ZNF285: variants seen among roughly 807,000 people sequenced by gnomAD.
ZNF285 encodes zinc finger protein 285A.
A neutral mutation model predicts 6.2 loss-of-function variants in ZNF285; 4 were observed. That is an observed-to-expected ratio of 0.65 (90% CI 0.32 to 1.49). The LOEUF (loss-of-function observed/expected upper bound fraction) is 1.49, where lower values mean the gene tolerates loss of function less well. Ranked by LOEUF, ZNF285 falls within the 40% of genes most tolerant of loss-of-function variation. The pLI is 0.07. For synonymous variants in ZNF285, 240 were observed against 245.8 expected (o/e 0.98, Z 0.22); for missense variants, 695 against 708.8 (o/e 0.98, Z 0.22).
intron 3 of ZNF285, among the ~76,000 whole-genome samples, chr19:44,389,272 G>A (rs1971152458): frequency 6.6e-6 from 1 of 152,080 alleles, no homozygotes; most frequent in Admixed American, 6.5e-5. Context: ...TCATATTCTT[G>A]GGATCCTAAG....
intron 2 of ZNF285, 152 bp downstream of exon 2, chr19:44,397,047 C>G: frequency 8.6e-7 from 1 of 1,157,552 alleles, no homozygotes; most frequent in Non-Finnish European, 1.2e-6. Flanking sequence ...TAAAGGGAGT[C>G]AAACCACCTG....
chr19:44,396,173 A>G (rs1971277381), intron 2 of ZNF285, among the ~76,000 whole-genome samples: 1 of 152,114 alleles, frequency 6.6e-6, no homozygotes, highest in South Asian at 2.1e-4. Context: ...AACCAATACC[A>G]TGTGAAATAC....
intron 2 of ZNF285, among the ~76,000 whole-genome samples, chr19:44,396,317 T>C (rs912924514): frequency 3.3e-5 from 5 of 152,112 alleles, no homozygotes; most frequent in Non-Finnish European, 5.9e-5. Flanking sequence ...ATTTGCTCTT[T>C]TTGTGTATTT....
Position 44,386,583 on chromosome 19 carries a change from G to A in ZNF285, c.1662C>T (p.Tyr554=), listed in dbSNP as rs748878603. Reference sequence around the variant, plus strand: ...TATGCACTCTCTGATGGGCAAGGAGGTATGAATTACGACTGAAGCCCTTAC... The same window carrying A: ...TATGCACTCTCTGATGGGCAAGGAGATATGAATTACGACTGAAGCCCTTAC... ...ACGKGFSRNS[Y]LLAHQRVHID... Residue 554 remains tyrosine, a synonymous_variant, in exon 4 of 4, where the codon TAC becomes TAT. Transcript: ENST00000614994. 1 of 1,614,176 alleles carries A rather than the reference G, an allele frequency of 6.2e-7. No homozygotes were observed. The highest frequency in any genetic ancestry group is 8.5e-7 in the Non-Finnish European group (1 of 1,180,006).
intron 2 of ZNF285, among the ~76,000 whole-genome samples, chr19:44,394,245 A>C (rs1971242815): frequency 6.6e-6 from 1 of 151,438 alleles, no homozygotes; most frequent in Non-Finnish European, 1.5e-5. Context: ...GGAACATCAC[A>C]CACCAGGGAC....
intron 1 of ZNF285, among the ~76,000 whole-genome samples, chr19:44,399,793 T>A (rs1000621190): frequency 1.3e-4 from 19 of 150,832 alleles, no homozygotes; most frequent in Non-Finnish European, 2.5e-4. Flanking sequence ...TGGCTCGGGG[T>A]AAGGAAATCA....
rs886746379 is a variant in ZNF285, at chr19:44,385,595, A to G, written c.*877T>C. On this transcript the variant is annotated 3_prime_UTR_variant, in exon 4 of 4. Coordinates refer to ENST00000614994, the MANE Select transcript of ZNF285 (RefSeq NM_152354.6). ...GCTATAAAATCCCTCCATGCTAGTC[A>G]GGATAGCCTAGGCAATGCTGCAGTA... 1.3e-5 allele frequency: 2 copies of G among 152,252 alleles called. No homozygotes were observed. Among genetic ancestry groups the G allele is most frequent in the African/African-American group, 4.8e-5 (2 of 41,460 alleles). The allele number at this position is 152,252 out of a possible 1,614,324, so 9.4% of individuals were successfully genotyped here. A position where few individuals can be genotyped will look rare whatever the true frequency, so the allele number is the denominator to read the frequency against.
chr19:44,387,032 A>C lies in ZNF285; in HGVS notation c.1213T>G (p.Cys405Gly). Residue 405 changes from cysteine (C) to glycine (G), a missense_variant, in exon 4 of 4, where the codon TGT (cysteine) becomes GGT (glycine). Coordinates refer to ENST00000614994, the MANE Select transcript of ZNF285 (RefSeq NM_152354.6). ...TGEKPYKCSECGKCFSSSSVL... is the reference protein window; with the variant it reads ...TGEKPYKCSEGGKCFSSSSVL... ...GAGCTTGAACTAAAGCACTTGCCAC[A>C]CTCACTGCATTTGTAGGGCTTCTCT... 1 of 1,614,046 alleles carries C rather than the reference A, an allele frequency of 6.2e-7. No homozygotes were observed. Among genetic ancestry groups the C allele is most frequent in the Non-Finnish European group, 8.5e-7 (1 of 1,179,992 alleles).
rs369224512 is a variant in ZNF285 at position 44,386,976 on chromosome 19, T to C, written c.1269A>G (p.Thr423=). The C allele has an allele frequency of 5.5e-5, 89 of 1,613,356 alleles. No homozygotes were observed. The highest frequency in any genetic ancestry group is 7.4e-5 in the Non-Finnish European group (87 of 1,179,442). ...CACCACACCTATATGGTTTCTCCCC[T>C]GTGTGAAACCTCCAGTGGACTTGAA... ...SVLQVHWRFH[T]GEKPYRCGEC... The change falls in exon 4 of 4, where the codon ACA becomes ACG. Residue 423 remains threonine (T), a synonymous_variant. Transcript: ENST00000614994.
At chr19:44,395,526 T>A (rs2571127) in intron 2 of ZNF285, among the ~76,000 whole-genome samples, 49,647 of 151,868 alleles carry the variant, frequency 0.33, 11,505 homozygotes, top group East Asian at 0.75. Flanking sequence ...TGTTAAAAAA[T>A]TTTTTGAGAT....
rs1971042667 is a variant in ZNF285, at chr19:44,384,616, A to G, written c.*1856T>C. Reference sequence around the variant, plus strand: ...AGGAAACTGTAATGCAAGAAAAACTAGGAATAAACCATGATCCAAATGAAG... The same window carrying G: ...AGGAAACTGTAATGCAAGAAAAACTGGGAATAAACCATGATCCAAATGAAG... On this transcript the variant is annotated 3_prime_UTR_variant, in exon 4 of 4. Transcript: ENST00000614994. 1 of 152,204 alleles carries G rather than the reference A, an allele frequency of 6.6e-6. No homozygotes were observed. Among genetic ancestry groups the G allele is most frequent in the Non-Finnish European group, 1.5e-5 (1 of 68,022 alleles). 9.4% of individuals were successfully genotyped at this position (152,204 alleles called of 1,614,324 possible).
rs1024135466 is a variant in ZNF285, at chr19:44,384,966, C to T, written c.*1506G>A. On this transcript the variant is annotated 3_prime_UTR_variant, in exon 4 of 4. Coordinates refer to ENST00000614994, the MANE Select transcript of ZNF285 (RefSeq NM_152354.6). ...GAGCAATGATCAGGCCACTGCACTC[C>T]AGCCACCTGGGTGACACAGCAAGAC... The T allele has an allele frequency of 5.2e-4, 72 of 138,812 alleles. No homozygotes were observed. The highest frequency in any genetic ancestry group is 1.8e-3 in the African/African-American group (67 of 36,668). The allele number at this position is 138,812 out of a possible 1,614,324, so 8.6% of individuals were successfully genotyped here.
rs1457051687 is a variant in ZNF285, at chr19:44,386,657, G to A, written c.1588C>T (p.His530Tyr). 6 of 1,614,116 alleles carry A rather than the reference G, an allele frequency of 3.7e-6. No individual in the cohort carries two copies. The highest frequency in any genetic ancestry group is 5.1e-6 in the Non-Finnish European group (6 of 1,180,010). Residue 530 changes from histidine (H) to tyrosine (Y), a missense_variant, in exon 4 of 4, where the codon CAC becomes TAC. His to Tyr is a moderately conservative substitution (Grantham distance 83, BLOSUM62 2). Transcript: ENST00000614994. Reference protein sequence around the residue: ...GFSRNSDLNVHLRVHTGERPY... With the variant: ...GFSRNSDLNVYLRVHTGERPY... ...CTCTCTCCTGTGTGGACTCTGAGGT[G>A]AACATTAAGATCTGAATTCCGGCTG... is the stretch of plus-strand genomic sequence containing the variant.
At chr19:44,394,340 A>C (rs956572933) in intron 2 of ZNF285, among the ~76,000 whole-genome samples, 2 of 152,054 alleles carry the variant, frequency 1.3e-5, no homozygotes, top group African/African-American at 4.8e-5. Context: ...GCAGCACACC[A>C]ACATGGCACA....
At position 44,387,944 on chromosome 19, in the gene ZNF285, G is replaced by C. The variant is rs143200727; in HGVS notation, c.301C>G (p.His101Asp). The C allele has an allele frequency of 8.2e-5, 132 of 1,614,020 alleles. No homozygotes were observed. The African/African-American group carries it at 1.6e-3, about 20-fold the overall frequency. The part of the protein sequence containing the change: ...IVNLQEECSP[H>D]LEDVSLSEEW... ...TCACTGAGGGAAACATCTTCTAAATGTGGGGAACACTCTTCTTGAAGGTTC... is the reference window on the plus strand; with the variant it reads ...TCACTGAGGGAAACATCTTCTAAATCTGGGGAACACTCTTCTTGAAGGTTC... Residue 101 changes from histidine (H) to aspartate (D), a missense_variant, in exon 4 of 4, where the codon CAT becomes GAT. By Grantham distance (81) the His-to-Asp change is moderately conservative (BLOSUM62 -1). Coordinates refer to ENST00000614994, the MANE Select transcript of ZNF285 (RefSeq NM_152354.6).
At position 44,383,681 on chromosome 19, in the gene ZNF285, T is replaced by G. The variant is rs575965708; in HGVS notation, c.*2791A>C. The G allele has an allele frequency of 2.6e-5, 4 of 152,236 alleles. No homozygotes were observed. Among genetic ancestry groups the G allele is most frequent in the Non-Finnish European group, 5.9e-5 (4 of 68,038 alleles). 9.4% of individuals were successfully genotyped at this position (152,236 alleles called of 1,614,324 possible). ...CTTGTGTGTGTTATGAGGCAGAAGC[T>G]GATAAGCATATTTAGGATAAATTAT... is the stretch of plus-strand genomic sequence containing the variant. On this transcript the variant is annotated 3_prime_UTR_variant, in exon 4 of 4. Coordinates refer to ENST00000614994, the MANE Select transcript of ZNF285 (RefSeq NM_152354.6).
chr19:44,395,912 T>C (rs1490135074), intron 2 of ZNF285, among the ~76,000 whole-genome samples: 2 of 152,106 alleles, frequency 1.3e-5, no homozygotes, highest in Non-Finnish European at 2.9e-5. Flanking sequence ...CAAATATCCA[T>C]GGCATTGGCT....
Position 44,399,389 on chromosome 19 carries a change from T to TAA in ZNF285, c.-43-2135_-43-2134dup, listed in dbSNP as rs1281584523. 1.0e-3 allele frequency among the ~76,000 whole-genome samples: 120 copies of TAA among 119,804 alleles called. No individual in the cohort carries two copies. The Middle Eastern group carries it at 0.019, about 19-fold the overall frequency. The allele number at this position is 119,804 out of a possible 152,430, so 78.6% of individuals were successfully genotyped here. A position where few individuals can be genotyped will look rare whatever the true frequency, so the allele number is the denominator to read the frequency against. Reference sequence around the variant, plus strand: ...TCCCCTGTCAAAAAACTACAAATCCTAAAAAAAAAAAAAAATAACCAAGCT... The same window carrying TAA: ...TCCCCTGTCAAAAAACTACAAATCCTAAAAAAAAAAAAAAAAATAACCAAGCT... On this transcript the variant is annotated intron_variant, in intron 1 of 3. Transcript: ENST00000614994.
chr19:44,401,102 G>A (rs1471634261), intron 1 of ZNF285, among the ~76,000 whole-genome samples: 1 of 151,984 alleles, frequency 6.6e-6, no homozygotes, highest in South Asian at 2.1e-4. Flanking sequence ...CCACCAAACT[G>A]AGCGAGAACA....
Sources: gnomAD v4.1 joint callset for allele counts (sites outside exome capture counted in the v4.1 genomes callset) on GRCh38, gnomAD v4.1.1 for gene constraint, MANE v1.5 for transcripts, NCBI Gene and HGNC (gene_info 2026-07-23, HGNC 2026-07-21) for gene names.